The following DHX9 variants were observed in gnomAD, a reference collection of about 807,000 sequenced individuals.
DHX9 encodes DExH-box helicase 9.
A neutral mutation model predicts 148.7 loss-of-function variants in DHX9; 27 were observed. The ratio of observed to expected loss-of-function variants is 0.18; its 90% confidence interval spans 0.13 to 0.25. DHX9 has a LOEUF of 0.25. Among genes scored for constraint, DHX9 ranks in the 10% least tolerant of loss-of-function variants. DHX9 has a pLI of 1.00. For synonymous variants in DHX9, 529 were observed against 516.6 expected (o/e 1.02, Z -0.33); for missense variants, 796 against 1,559.6 (o/e 0.51, Z 8.25).
At chr1:182,841,525 G>C (rs1054751275) in intron 1 of DHX9, among the ~76,000 whole-genome samples, 1 of 152,152 alleles carries the variant, frequency 6.6e-6, no homozygotes, top group Non-Finnish European at 1.5e-5. Context: ...TTGTTAATAG[G>C]ACATTCCCTT....
At chr1:182,855,222 C>G (rs1668232424) in intron 6 of DHX9, among the ~76,000 whole-genome samples, 1 of 152,106 alleles carries the variant, frequency 6.6e-6, no homozygotes, top group Admixed American at 6.6e-5. Flanking sequence ...TGTTTTCTTT[C>G]ATATTTTGTC....
intron 3 of DHX9, among the ~76,000 whole-genome samples, chr1:182,850,470 C>T (rs1051595755): frequency 6.6e-6 from 1 of 151,818 alleles, no homozygotes; most frequent in Non-Finnish European, 1.5e-5. Flanking sequence ...TGGTGGCTGC[C>T]CGTAGTCCCA....
rs749748764 is a variant in DHX9, at chr1:182,878,011, T to G, written c.2199-10T>G. The G allele has an allele frequency of 6.2e-7, 1 of 1,614,036 alleles. No homozygotes were observed. Among genetic ancestry groups the G allele is most frequent in the Non-Finnish European group, 8.5e-7 (1 of 1,179,934 alleles). ...ATGAGTCTTAGAATTAACCACTTTT[T>G]CCTATGTAGGCAGAAAGTGAAACTC... is the stretch of plus-strand genomic sequence containing the variant. On this transcript the variant is annotated splice_polypyrimidine_tract_variant and intron_variant, in intron 19 of 27. Coordinates refer to ENST00000367549, the MANE Select transcript of DHX9 (RefSeq NM_001357.5).
chr1:182,868,565 A>T (rs1648405971), intron 14 of DHX9, among the ~76,000 whole-genome samples: 2 of 132,068 alleles, frequency 1.5e-5, no homozygotes, highest in African/African-American at 7.2e-5. Context: ...CCTAGGCTAG[A>T]GTGCAATGGC....
chr1:182,878,250 A>AC, intron 20 of DHX9, 77 bp downstream of exon 20: 3 of 1,463,110 alleles, frequency 2.1e-6, no homozygotes, highest in African/African-American at 1.4e-5. Context: ...AGTTATGTAA[A>AC]CCTGCCAATA....
intron 14 of DHX9, among the ~76,000 whole-genome samples, chr1:182,868,295 T>G (rs1444339438): frequency 6.6e-6 from 1 of 152,146 alleles, no homozygotes; most frequent in African/African-American, 2.4e-5. Flanking sequence ...TTTATGCATA[T>G]GAAATTTTAG....
chr1:182,858,689 C>T (rs1407125196), intron 9 of DHX9, 44 bp from the exon 10 acceptor site: 2 of 1,612,440 alleles, frequency 1.2e-6, no homozygotes, highest in African/African-American at 1.3e-5. Flanking sequence ...TCTCCGTAGA[C>T]AAGCAAATCA....
chr1:182,860,311 AAG>A, intron 12 of DHX9, 127 bp downstream of exon 12: 1 of 825,638 alleles, frequency 1.2e-6, no homozygotes, highest in East Asian at 3.0e-5. Context: ...AATTTAAAAA[AAG>A]AAAACATAAA....
At chr1:182,846,073 C>T (rs564703118) in intron 3 of DHX9, among the ~76,000 whole-genome samples, 1 of 152,248 alleles carries the variant, frequency 6.6e-6, no homozygotes, top group East Asian at 1.9e-4. Context: ...TTTCAGCCCT[C>T]TAATCTTTCC....
chr1:182,852,410 G>A, intron 4 of DHX9, 66 bp downstream of exon 4: 1 of 1,175,054 alleles, frequency 8.5e-7, no homozygotes, highest in East Asian at 2.5e-5. Context: ...CACCATCTCT[G>A]TTTCTCGTTT....
intron 1 of DHX9, among the ~76,000 whole-genome samples, chr1:182,841,382 G>A (rs1301169639): frequency 6.6e-6 from 1 of 152,234 alleles, no homozygotes; most frequent in Non-Finnish European, 1.5e-5. Flanking sequence ...GGGGTTGTAA[G>A]AGACTAGGGA....
In DHX9 at chr1:182,843,429, T is replaced by C. The variant is rs1331926298; in HGVS notation, c.247T>C (p.Phe83Leu). 6.3e-7 allele frequency: 1 copy of C among 1,598,070 alleles called. No homozygotes were observed. The highest frequency in any genetic ancestry group is 8.5e-7 in the Non-Finnish European group (1 of 1,174,208). The stretch of plus-strand genomic sequence containing the variant: ...AATAAAGAGTGAAGAAGTTCCAGCT[T>C]TTGGGGTAAGTACCTATGGCGAAGC... ...NEIKSEEVPA[F>L]GVASPPPLTD... Residue 83 changes from phenylalanine to leucine, a missense_variant, in exon 3 of 28, where the codon TTT becomes CTT. By Grantham distance (22) the Phe-to-Leu change is conservative. Around this residue, in one of 14 missense-constraint regions of DHX9, gnomAD observed 89 missense variants for 77.5 expected, o/e 1.15. Coordinates refer to ENST00000367549, the MANE Select transcript of DHX9 (RefSeq NM_001357.5).
At position 182,884,940 on chromosome 1, in the gene DHX9, A is replaced by G. The variant is rs955421559; in HGVS notation, c.3461+127A>G. The G allele has an allele frequency of 1.6e-5, 13 of 790,776 alleles. 1 individual carries two copies. In the African/African-American group the frequency reaches 1.7e-4, roughly 11 times the overall value. The allele number at this position is 790,776 out of a possible 1,614,324, so 49.0% of individuals were successfully genotyped here. ...AAATTCTAGATATAGATAGAGCTAT[A>G]TAGATAGAGAGTTTGATGTTCTGAG... On this transcript the variant is annotated intron_variant, in intron 27 of 27. Transcript: ENST00000367549.
intron 12 of DHX9, among the ~76,000 whole-genome samples, chr1:182,861,389 A>T (rs879442048): frequency 1.3e-5 from 2 of 152,186 alleles, no homozygotes; most frequent in Non-Finnish European, 2.9e-5. Context: ...GCAGCCCCAG[A>T]TGTCATCATA....
Position 182,879,259 on chromosome 1 carries a change from C to G in DHX9, c.2361C>G (p.Thr787=), listed in dbSNP as rs369527044. The G allele has an allele frequency of 2.0e-4, 298 of 1,471,860 alleles. No homozygotes were observed. The highest frequency in any genetic ancestry group is 2.6e-4 in the Non-Finnish European group (280 of 1,089,978). The allele number at this position is 1,471,860 out of a possible 1,614,324, so 91.2% of individuals were successfully genotyped here. ...GCTTATTTTCTCTTAGACTTGAAAC[C>G]CACATGACACCAGAGATGTTCCGAA... The part of the protein sequence containing the change: ...CSRARFERLE[T]HMTPEMFRTP... The change falls in exon 21 of 28, where the codon ACC becomes ACG. Residue 787 remains threonine, a synonymous_variant. Transcript: ENST00000367549.
In DHX9 at chr1:182,880,617, T is replaced by C. The variant is rs1649041375; in HGVS notation, c.2624+9T>C. The C allele has an allele frequency of 1.3e-6, 2 of 1,536,536 alleles. No homozygotes were observed. Among genetic ancestry groups the C allele is most frequent in the African/African-American group, 1.4e-5 (1 of 73,424 alleles). On this transcript the variant is annotated intron_variant, in intron 22 of 27. Transcript: ENST00000367549. Reference sequence around the variant, plus strand: ...ATGGGGTGTATTTTCTAGTAAGTGCTTTGTTTTATTTCTCTTCGTTAAGTG... The same window carrying C: ...ATGGGGTGTATTTTCTAGTAAGTGCCTTGTTTTATTTCTCTTCGTTAAGTG...
In DHX9 at chr1:182,876,402, C is replaced by G. The variant is rs747059818; in HGVS notation, c.2030-45C>G. The G allele has an allele frequency of 3.2e-6, 5 of 1,571,674 alleles. No individual in the cohort carries two copies. The African/African-American group carries it at 6.8e-5, about 21-fold the overall frequency. On this transcript the variant is annotated intron_variant, in intron 17 of 27. Transcript: ENST00000367549. ...ATGTATAATGGAGAGCTGTTTGAAA[C>G]CAGCTCCTGTTTTTAGTCCCTGATT...
intron 8 of DHX9, 46 bp from the exon 9 acceptor site, chr1:182,858,505 T>C (rs752948098): frequency 6.7e-7 from 1 of 1,484,800 alleles, no homozygotes; most frequent in Non-Finnish European, 9.3e-7. Flanking sequence ...AGCCCCATTA[T>C]AGTAGATTTG....
At chr1:182,855,723 C>T (rs1668239555) in intron 6 of DHX9, 1 of 985,334 alleles carries the variant, frequency 1.0e-6, no homozygotes, top group Non-Finnish European at 1.2e-6. Flanking sequence ...GGTCAGTTCA[C>T]ACGAGGTATA....
Sources: gnomAD v4.1 joint callset for allele counts (sites outside exome capture counted in the v4.1 genomes callset) on GRCh38, gnomAD v4.1.1 for gene constraint, gnomAD v4.1.1 regional missense constraint, MANE v1.5 for transcripts, NCBI Gene and HGNC (gene_info 2026-07-23, HGNC 2026-07-21) for gene names.